The following SYNPR variants were observed in gnomAD, a reference collection of about 807,000 sequenced individuals.
SYNPR encodes synaptoporin.
Under a neutral mutation model 32.9 loss-of-function variants are expected in SYNPR, and 23 were observed. That is an observed-to-expected ratio of 0.70 (90% CI 0.50 to 0.99). The LOEUF (loss-of-function observed/expected upper bound fraction) is 0.99, where lower values mean the gene tolerates loss of function less well. SYNPR is among the 50% of genes least tolerant of loss of function. The pLI, the probability that SYNPR is intolerant of heterozygous loss-of-function variation, is 0.00. For missense variants in SYNPR, 318 were observed against 349.3 expected (o/e 0.91, Z 0.71); for synonymous variants, 146 against 135.9 (o/e 1.07, Z -0.52).
chr3:63,345,382 AT>A (rs2087424549), intron 2 of SYNPR, among the ~76,000 whole-genome samples: 1 of 152,182 alleles, frequency 6.6e-6, no homozygotes. Flanking sequence ...GCTCTGTTAG[AT>A]TTCTCTGACC....
upstream of SYNPR, among the ~76,000 whole-genome samples, chr3:63,226,918 C>T (rs2086132400): frequency 6.6e-6 from 1 of 152,060 alleles, no homozygotes; most frequent in African/African-American, 2.4e-5. Context: ...TCCTTGAATA[C>T]CCTGATCTGA....
chr3:63,240,781 A>G (rs1022721421), intron 1 of SYNPR, among the ~76,000 whole-genome samples: 1 of 152,108 alleles, frequency 6.6e-6, no homozygotes, highest in Non-Finnish European at 1.5e-5. Flanking sequence ...ATTTTTCATA[A>G]TACAAGTCAT....
Position 63,497,012 on chromosome 3 carries a change from A to G in SYNPR, c.209+16056A>G, listed in dbSNP as rs148414476. Among the ~76,000 whole-genome samples the G allele has an allele frequency of 1.2e-3, 182 of 152,274 alleles. 1 individual carries two copies. The highest frequency in any genetic ancestry group is 3.9e-3 in the African/African-American group (160 of 41,558). ...TCAAGTTAAGGCACAGAGAAATTCC[A>G]TGGCTCATCCATCACCCACTGCAAG... is the stretch of plus-strand genomic sequence containing the variant. On this transcript the variant is annotated intron_variant, in intron 3 of 5. Coordinates refer to ENST00000478300, the MANE Select transcript of SYNPR (RefSeq NM_001130003.2).
chr3:63,416,112 C>T (rs2088535202), intron 2 of SYNPR, among the ~76,000 whole-genome samples: 2 of 152,214 alleles, frequency 1.3e-5, no homozygotes, highest in Non-Finnish European at 1.5e-5. Context: ...AATCACTGAA[C>T]TTTACATTTC....
At chr3:63,540,603 G>C (rs1229438640) in intron 3 of SYNPR, among the ~76,000 whole-genome samples, 1 of 151,936 alleles carries the variant, frequency 6.6e-6, no homozygotes, top group Non-Finnish European at 1.5e-5. Flanking sequence ...AACATAATGG[G>C]CATGAATTCA....
rs60616720 is a variant in SYNPR at position 63,261,711 on chromosome 3, TATAATAATA to T, written n.155-5587_155-5579del. Among the ~76,000 whole-genome samples, 49 of 145,618 alleles carry T rather than the reference TATAATAATA, an allele frequency of 3.4e-4. 1 individual carries two copies. Among genetic ancestry groups the T allele is most frequent in the Admixed American group, 2.3e-3 (34 of 14,528 alleles). On this transcript the variant is annotated intron_variant and non_coding_transcript_variant, in intron 2 of 4. Coordinates refer to the SYNPR transcript ENST00000478456. ...TGCATATGTACCCTAAAACTTAAAG[TATAATAATA>T]ATAATAATAATAATAATAGTAAAAC...
intron 3 of SYNPR, among the ~76,000 whole-genome samples, chr3:63,500,601 T>C (rs1197893478): frequency 6.6e-6 from 1 of 152,200 alleles, no homozygotes; most frequent in African/African-American, 2.4e-5. Context: ...TACAGTGGCT[T>C]CCTAAAATGA....
chr3:63,488,000 C>T (rs1242029670), intron 3 of SYNPR, among the ~76,000 whole-genome samples: 2 of 152,132 alleles, frequency 1.3e-5, no homozygotes, highest in Non-Finnish European at 2.9e-5. Flanking sequence ...CTGTTTGGAA[C>T]ACGGGGGCAG....
At chr3:63,413,283 C>T (rs924396830) in intron 2 of SYNPR, among the ~76,000 whole-genome samples, 1 of 152,128 alleles carries the variant, frequency 6.6e-6, no homozygotes, top group South Asian at 2.1e-4. Flanking sequence ...CCATGACTCA[C>T]CATGTTTTGA....
In SYNPR at chr3:63,351,786, G is replaced by C. The variant is rs2087513093; in HGVS notation, c.84+73044G>C. On this transcript the variant is annotated intron_variant, in intron 2 of 5. Transcript: ENST00000478300. ...AAGTTCCAGGCAACGGGGATGGAGT[G>C]GTGACAAGATAAAGCCCATTCTTCC... Among the ~76,000 whole-genome samples, 4 of 152,136 alleles carry C rather than the reference G, an allele frequency of 2.6e-5. No homozygotes were observed. The South Asian group carries it at 8.3e-4, about 32-fold the overall frequency.
chr3:63,487,514 T>C (rs1701178626), intron 3 of SYNPR, among the ~76,000 whole-genome samples: 1 of 152,200 alleles, frequency 6.6e-6, no homozygotes, highest in Non-Finnish European at 1.5e-5. Context: ...AGAAAAGATA[T>C]TTATTCTGGT....
chr3:63,519,236 C>T (rs1228567696), intron 3 of SYNPR, among the ~76,000 whole-genome samples: 1 of 152,012 alleles, frequency 6.6e-6, no homozygotes, highest in African/African-American at 2.4e-5. Context: ...TCATAGAGTA[C>T]ACAGGTTTTT....
rs77810665 is a variant in SYNPR, at chr3:63,593,431, A to G, written c.409-15694A>G. ...ACATCCAGGAATACCTCCCTCTTGC[A>G]CCAAGATTATAAAATCAATTGCCTG... On this transcript the variant is annotated intron_variant, in intron 4 of 5. Transcript: ENST00000478300. Among the ~76,000 whole-genome samples, 1,212 of 152,248 alleles carry G rather than the reference A, an allele frequency of 8.0e-3. 10 individuals carry two copies. Among genetic ancestry groups the G allele is most frequent in the African/African-American group, 0.022 (914 of 41,564 alleles).
intron 2 of SYNPR, among the ~76,000 whole-genome samples, chr3:63,322,998 G>A (rs1175074061): frequency 6.6e-6 from 1 of 151,986 alleles, no homozygotes; most frequent in Admixed American, 6.6e-5. Flanking sequence ...CTTCCAGTAG[G>A]CACAGCCATG....
chr3:63,307,666 GA>G (rs1483842871), intron 2 of SYNPR, among the ~76,000 whole-genome samples: 3 of 151,870 alleles, frequency 2.0e-5, no homozygotes, highest in African/African-American at 7.3e-5. Context: ...AAAGTTGAAG[GA>G]AATTTTCATG....
intron 4 of SYNPR, among the ~76,000 whole-genome samples, chr3:63,604,227 A>T (rs1700085382): frequency 6.6e-6 from 1 of 151,780 alleles, no homozygotes. Context: ...TTTATTTGGA[A>T]CTTCTATTTT....
At position 63,408,277 on chromosome 3, in the gene SYNPR, G is replaced by GAGGAAGGA. The variant is rs71126602; in HGVS notation, c.85-72517_85-72510dup. 9.4e-4 allele frequency among the ~76,000 whole-genome samples: 43 copies of GAGGAAGGA among 45,640 alleles called. 3 individuals are homozygous for GAGGAAGGA. The highest frequency in any genetic ancestry group is 2.5e-3 in the Admixed American group (10 of 3,958). The allele number at this position is 45,640 out of a possible 152,430, so 29.9% of individuals were successfully genotyped here. A position where few individuals can be genotyped will look rare whatever the true frequency, so the allele number is the denominator to read the frequency against. ...AGAAAGAAAGAAAGAAAGAAAGAAA[G>GAGGAAGGA]AGGAAGGAAGGAAGGAAGGAAGGAA... is the stretch of plus-strand genomic sequence containing the variant. On this transcript the variant is annotated intron_variant, in intron 2 of 5. Coordinates refer to ENST00000478300, the MANE Select transcript of SYNPR (RefSeq NM_001130003.2).
At chr3:63,422,692 AAC>A (rs1699821589) in intron 2 of SYNPR, among the ~76,000 whole-genome samples, 2 of 152,190 alleles carry the variant, frequency 1.3e-5, no homozygotes, top group Admixed American at 6.5e-5. Context: ...ACATAATGGA[AAC>A]ACAGTGCCGG....
intron 2 of SYNPR, among the ~76,000 whole-genome samples, chr3:63,416,088 A>C (rs1341923704): frequency 6.6e-6 from 1 of 152,250 alleles, no homozygotes; most frequent in African/African-American, 2.4e-5. Flanking sequence ...AATTTGACTG[A>C]GACTCTTCTG....
Sources: gnomAD v4.1 joint callset for allele counts (sites outside exome capture counted in the v4.1 genomes callset) on GRCh38, gnomAD v4.1.1 for gene constraint, MANE v1.5 for transcripts, NCBI Gene and HGNC (gene_info 2026-07-23, HGNC 2026-07-21) for gene names.